GRM8: variants seen among roughly 807,000 people sequenced by gnomAD.
GRM8 encodes glutamate metabotropic receptor 8.
A neutral mutation model predicts 87.2 loss-of-function variants in GRM8; 47 were observed. The observed-to-expected ratio is 0.54, with a 90% CI of 0.43 to 0.69. The LOEUF (loss-of-function observed/expected upper bound fraction) is 0.69. Ranked by LOEUF, GRM8 falls within the 30% of genes least tolerant of loss-of-function variation. GRM8 has a pLI of 0.00. For missense variants in GRM8, 1,019 were observed against 1,139.2 expected, an observed-to-expected ratio of 0.89 and a Z score of 1.52; for synonymous variants, 396 against 404.5, an observed-to-expected ratio of 0.98 and a Z score of 0.25.
intron 2 of GRM8, among the ~76,000 whole-genome samples, chr7:127,129,131 A>G (rs1157692414): frequency 1.3e-5 from 2 of 152,194 alleles, no homozygotes; most frequent in African/African-American, 4.8e-5. Flanking sequence ...AATTTCATGC[A>G]TCGTGAATTT....
At chr7:126,599,488 C>G (rs1797531461) in intron 8 of GRM8, among the ~76,000 whole-genome samples, 1 of 152,034 alleles carries the variant, frequency 6.6e-6, no homozygotes, top group South Asian at 2.1e-4. Context: ...TAGTAAGTCC[C>G]ATATTATACT....
At chr7:126,513,917 C>A (rs942237907) in intron 9 of GRM8, among the ~76,000 whole-genome samples, 1 of 151,882 alleles carries the variant, frequency 6.6e-6, no homozygotes, top group African/African-American at 2.4e-5. Flanking sequence ...CTACATGTAG[C>A]TTTTTATCGG....
chr7:127,117,861 A>G (rs1317230493), intron 2 of GRM8, among the ~76,000 whole-genome samples: 2 of 152,244 alleles, frequency 1.3e-5, no homozygotes, highest in Admixed American at 1.3e-4. Context: ...GTCAGTAATT[A>G]TAACTAACAA....
chr7:126,612,998 T>C (rs1456420127), intron 7 of GRM8, among the ~76,000 whole-genome samples: 1 of 152,232 alleles, frequency 6.6e-6, no homozygotes, highest in African/African-American at 2.4e-5. Flanking sequence ...GTGGTTTTTA[T>C]TACTGATGAC....
chr7:126,538,593 T>C (rs543805353), intron 8 of GRM8, among the ~76,000 whole-genome samples: 1 of 152,146 alleles, frequency 6.6e-6, no homozygotes, highest in South Asian at 2.1e-4. Flanking sequence ...TCTTAACACA[T>C]TTCCTCTTGC....
chr7:127,149,325 A>G (rs28949574), intron 2 of GRM8, among the ~76,000 whole-genome samples: 7 of 152,244 alleles, frequency 4.6e-5, no homozygotes, highest in African/African-American at 1.2e-4. Context: ...ACTCAATACC[A>G]TTAGTCATAA....
intron 3 of GRM8, among the ~76,000 whole-genome samples, chr7:126,949,952 A>C (rs933610539): frequency 6.6e-6 from 1 of 152,208 alleles, no homozygotes; most frequent in Admixed American, 6.5e-5. Context: ...GCTTCTGTCG[A>C]GTATTTTAGA....
chr7:126,689,828 G>A (rs947756548), intron 7 of GRM8, among the ~76,000 whole-genome samples: 1 of 152,084 alleles, frequency 6.6e-6, no homozygotes, highest in African/African-American at 2.4e-5. Flanking sequence ...ATGACCATGG[G>A]TAAAATTGTT....
At chr7:126,914,165 G>GA in intron 3 of GRM8, among the ~76,000 whole-genome samples, 1 of 152,034 alleles carries the variant, frequency 6.6e-6, no homozygotes, top group African/African-American at 2.4e-5. Flanking sequence ...ACAAATATAC[G>GA]AAAAAAATGC....
intron 6 of GRM8, among the ~76,000 whole-genome samples, chr7:126,860,064 T>A (rs1311019059): frequency 6.6e-6 from 1 of 152,192 alleles, no homozygotes; most frequent in African/African-American, 2.4e-5. Context: ...CCAGTAAGAC[T>A]GTGAGTCCCA....
At chr7:126,786,160 G>A (rs1002918989) in intron 6 of GRM8, among the ~76,000 whole-genome samples, 4 of 152,110 alleles carry the variant, frequency 2.6e-5, no homozygotes, top group Non-Finnish European at 5.9e-5. Context: ...TCAAAGTGTT[G>A]TAAGGAATCA....
At chr7:126,532,914 C>A in intron 9 of GRM8, 38 bp downstream of exon 9, 1 of 1,229,704 alleles carries the variant, frequency 8.1e-7, no homozygotes, top group Non-Finnish European at 1.2e-6. Flanking sequence ...GATGTTAAAT[C>A]CAGGAAAAAG....
chr7:127,074,477 C>T (rs778853788), intron 3 of GRM8, among the ~76,000 whole-genome samples: 26 of 152,102 alleles, frequency 1.7e-4, no homozygotes, highest in Admixed American at 4.6e-4. Flanking sequence ...TGAGATGTCC[C>T]CACTTGCCCT....
At chr7:127,135,713 A>T (rs530618096) in intron 2 of GRM8, among the ~76,000 whole-genome samples, 2 of 151,296 alleles carry the variant, frequency 1.3e-5, no homozygotes, top group Admixed American at 1.3e-4. Context: ...GGGCAGAGAG[A>T]TTATATTTAC....
intron 7 of GRM8, among the ~76,000 whole-genome samples, chr7:126,697,049 A>G (rs1809459038): frequency 6.6e-6 from 1 of 152,138 alleles, no homozygotes; most frequent in Admixed American, 6.5e-5. Flanking sequence ...CTTTAAAAAA[A>G]AAAAGAAAAT....
chr7:127,170,962 C>T (rs548261375), intron 2 of GRM8, among the ~76,000 whole-genome samples: 3 of 152,132 alleles, frequency 2.0e-5, no homozygotes, highest in South Asian at 2.1e-4. Flanking sequence ...TGTAACCAAA[C>T]ACCATCTATT....
At chr7:127,105,641 A>T (rs1394419977) in intron 3 of GRM8, among the ~76,000 whole-genome samples, 4 of 152,226 alleles carry the variant, frequency 2.6e-5, no homozygotes, top group African/African-American at 9.6e-5. Context: ...TACTGAAAAA[A>T]ATCAATGGAC....
intron 7 of GRM8, among the ~76,000 whole-genome samples, chr7:126,649,733 C>T (rs548587724): frequency 2.6e-5 from 4 of 152,242 alleles, no homozygotes; most frequent in African/African-American, 9.6e-5. Flanking sequence ...ATACATTCCT[C>T]AGTTGGATGT....
chr7:126,862,826 C>T (rs1240601154), intron 6 of GRM8, among the ~76,000 whole-genome samples: 1 of 151,836 alleles, frequency 6.6e-6, no homozygotes, highest in Non-Finnish European at 1.5e-5. Flanking sequence ...TCTCATATTG[C>T]CTGTATGTGT....
Sources: gnomAD v4.1 joint callset for allele counts (sites outside exome capture counted in the v4.1 genomes callset) on GRCh38, gnomAD v4.1.1 for gene constraint, MANE v1.5 for transcripts, NCBI Gene and HGNC (gene_info 2026-07-23, HGNC 2026-07-21) for gene names.